Variants in RLF observed in about 807,000 individuals in gnomAD.
RLF encodes zinc finger protein Rlf.
A neutral mutation model predicts 162.9 loss-of-function variants in RLF; 7 were observed. The observed-to-expected ratio is 0.04, with a 90% CI of 0.02 to 0.08. The LOEUF (loss-of-function observed/expected upper bound fraction) is 0.08, where lower values mean the gene tolerates loss of function less well. Ranked by LOEUF, RLF falls within the 10% of genes least tolerant of loss-of-function variation. The pLI is 1.00. For synonymous variants in RLF, 782 were observed against 791.5 expected (o/e 0.99, Z 0.20); for missense variants, 1,664 against 2,244.7 (o/e 0.74, Z 5.23).
chr1:40,170,709 G>A lies in RLF; in HGVS notation c.237+9073G>A, dbSNP rs1016948974. On this transcript the variant is annotated intron_variant, in intron 1 of 7. Coordinates refer to ENST00000372771, the MANE Select transcript of RLF (RefSeq NM_012421.4). ...TTTATGAAAAAATTTCACCTCCAAA[G>A]GTTTTGCAGGGATTAAATTATGTGT... is the stretch of plus-strand genomic sequence containing the variant. Among the ~76,000 whole-genome samples the A allele has an allele frequency of 3.3e-5, 5 of 152,172 alleles. No homozygotes were observed. In the East Asian group the frequency reaches 7.7e-4, roughly 24 times the overall value.
At chr1:40,234,873 T>C (rs1039951362) in intron 7 of RLF, among the ~76,000 whole-genome samples, 3 of 152,246 alleles carry the variant, frequency 2.0e-5, no homozygotes, top group Admixed American at 1.3e-4. Flanking sequence ...AATTTTAAAC[T>C]AGTTTCTGAG....
intron 5 of RLF, among the ~76,000 whole-genome samples, chr1:40,222,355 G>T (rs1310750848): frequency 6.6e-6 from 1 of 152,172 alleles, no homozygotes; most frequent in Non-Finnish European, 1.5e-5. Context: ...CTGCAAAAAT[G>T]TTTTTATCTG....
At position 40,238,841 on chromosome 1, in the gene RLF, C is replaced by A. The variant is rs1643251555; in HGVS notation, c.4139C>A (p.Ala1380Asp). ...NKRFLCSKALAKHCSDSHNLD... is the reference protein window; with the variant it reads ...NKRFLCSKALDKHCSDSHNLD... ...CGCTTCCTGTGTTCCAAAGCTCTTG[C>A]TAAGCACTGTAGTGATTCTCATAAC... The change falls in exon 8 of 8, where the codon GCT becomes GAT. Residue 1380 changes from alanine to aspartate, a missense_variant. Ala to Asp is a moderately radical substitution (Grantham distance 126, BLOSUM62 -2). Coordinates refer to ENST00000372771, the MANE Select transcript of RLF (RefSeq NM_012421.4). This position sits in a 1 kb window ranked among gnomAD's most constrained non-coding sequence, Gnocchi z 5.2. 1 of 1,614,002 alleles carries A rather than the reference C, an allele frequency of 6.2e-7. No homozygotes were observed. The highest frequency in any genetic ancestry group is 1.3e-5 in the African/African-American group (1 of 74,936).
At chr1:40,216,403 G>A (rs1338058225) in intron 5 of RLF, among the ~76,000 whole-genome samples, 1 of 151,528 alleles carries the variant, frequency 6.6e-6, no homozygotes. Context: ...CAGGAGAATC[G>A]CTTGAACCCG....
At chr1:40,211,822 GT>G (rs1264092923) in intron 5 of RLF, among the ~76,000 whole-genome samples, 1 of 151,940 alleles carries the variant, frequency 6.6e-6, no homozygotes, top group Non-Finnish European at 1.5e-5. Flanking sequence ...GGGTTTCACC[GT>G]TTCTACTGGT....
At chr1:40,222,537 C>T (rs1171977129) in intron 5 of RLF, 37 bp from the exon 6 acceptor site, 1 of 1,597,192 alleles carries the variant, frequency 6.3e-7, no homozygotes, top group Non-Finnish European at 8.5e-7. Context: ...GAAAAGTCAC[C>T]ATTTTCTTTT....
chr1:40,217,148 G>T (rs1642935360), intron 5 of RLF, among the ~76,000 whole-genome samples: 1 of 151,678 alleles, frequency 6.6e-6, no homozygotes, highest in Non-Finnish European at 1.5e-5. Context: ...CTTTTTTTCT[G>T]GGCTGTTGAA....
At chr1:40,226,747 C>T (rs146288586) in intron 6 of RLF, among the ~76,000 whole-genome samples, 246 of 152,090 alleles carry the variant, frequency 1.6e-3, no homozygotes, top group African/African-American at 5.8e-3. Flanking sequence ...GTTTTATTTA[C>T]TTCATTCCTA....
intron 1 of RLF, among the ~76,000 whole-genome samples, chr1:40,185,843 C>CAAAAAAAAAAAAAAAAAAAA (rs33982008): frequency 1.3e-4 from 9 of 67,548 alleles, no homozygotes; most frequent in Admixed American, 2.3e-4. Flanking sequence ...AAAAAAAAAG[C>CAAAAAAAAAAAAAAAAAAAA]AAAAAAAAAA....
In RLF at chr1:40,219,466, A is replaced by G. The variant is rs549690340; in HGVS notation, c.811-3108A>G. On this transcript the variant is annotated intron_variant, in intron 5 of 7. Transcript: ENST00000372771. ...TCTGGCTTCAGTTTTTCTCATTTGT[A>G]AAAATGATCAGATGTCTCATTTAGT... 3.8e-4 allele frequency among the ~76,000 whole-genome samples: 58 copies of G among 152,368 alleles called. No individual in the cohort carries two copies. The Middle Eastern group carries it at 0.014, about 36-fold the overall frequency.
At chr1:40,183,727 C>T (rs1434157100) in intron 1 of RLF, among the ~76,000 whole-genome samples, 2 of 151,752 alleles carry the variant, frequency 1.3e-5, no homozygotes, top group Non-Finnish European at 2.9e-5. Flanking sequence ...TTCAATCTCT[C>T]ATGTTTCCTC....
chr1:40,229,448 C>CTTTTTTTTTTTTTTTTTTTTTT (rs1005418216), intron 6 of RLF, among the ~76,000 whole-genome samples: 1 of 90,980 alleles, frequency 1.1e-5, no homozygotes, highest in African/African-American at 4.6e-5. Context: ...ATTCATTTAT[C>CTTTTTTTTTTTTTTTTTTTTTT]TTTTTTTTTT....
chr1:40,226,825 AAC>A (rs1432103652), intron 6 of RLF, among the ~76,000 whole-genome samples: 5 of 152,276 alleles, frequency 3.3e-5, no homozygotes, highest in African/African-American at 1.2e-4. Flanking sequence ...GCTATGTAGA[AAC>A]ACAGAGTGAT....
At chr1:40,218,513 A>G (rs1251555721) in intron 5 of RLF, among the ~76,000 whole-genome samples, 1 of 152,144 alleles carries the variant, frequency 6.6e-6, no homozygotes, top group Non-Finnish European at 1.5e-5. Flanking sequence ...GACATCACGC[A>G]TTGCCGTTAC....
At position 40,176,994 on chromosome 1, in the gene RLF, A is replaced by AT. The variant is rs995241158; in HGVS notation, c.238-12050dup. Among the ~76,000 whole-genome samples, 728 of 145,656 alleles carry AT rather than the reference A, an allele frequency of 5.0e-3. 2 individuals carry two copies. Among genetic ancestry groups the AT allele is most frequent in the African/African-American group, 8.5e-3 (338 of 39,906 alleles). On this transcript the variant is annotated intron_variant, in intron 1 of 7. Transcript: ENST00000372771. The stretch of plus-strand genomic sequence containing the variant: ...ATTTATTTCTTTTTTTAATTAATTA[A>AT]TTTTTTTTTTTGAGACCGAGTCTCA...
rs533599486 is a variant in RLF, at chr1:40,178,642, T to G, written c.238-10413T>G. 2.7e-3 allele frequency among the ~76,000 whole-genome samples: 401 copies of G among 148,744 alleles called. 4 individuals carry two copies. Among genetic ancestry groups the G allele is most frequent in the African/African-American group, 9.5e-3 (384 of 40,614 alleles). ...GTGTTTTTTTTTTTTGTTTTTTTTT[T>G]TTTTTTGGAGAGATGGGATCTTGCT... is the stretch of plus-strand genomic sequence containing the variant. On this transcript the variant is annotated intron_variant, in intron 1 of 7. Coordinates refer to ENST00000372771, the MANE Select transcript of RLF (RefSeq NM_012421.4).
chr1:40,168,602 A>G (rs1001135154), intron 1 of RLF, among the ~76,000 whole-genome samples: 1 of 152,188 alleles, frequency 6.6e-6, no homozygotes, highest in African/African-American at 2.4e-5. Context: ...CAGGGATCAC[A>G]CCTTATTGTT....
At position 40,239,004 on chromosome 1, in the gene RLF, T is replaced by C. The variant is rs1028082453; in HGVS notation, c.4302T>C (p.Ile1434=). 4 of 1,614,170 alleles carry C rather than the reference T, an allele frequency of 2.5e-6. No individual in the cohort carries two copies. Among genetic ancestry groups the C allele is most frequent in the African/African-American group, 1.3e-5 (1 of 75,060 alleles). ...ACCACTTGATGGAACAGCATAATATTGAAGGGGAAATACATTCAGATTATG... is the reference window on the plus strand; with the variant it reads ...ACCACTTGATGGAACAGCATAATATCGAAGGGGAAATACATTCAGATTATG... ...LKHHLMEQHN[I]EGEIHSDYEI... is the part of the protein sequence containing the mutation. Residue 1434 remains isoleucine, a synonymous_variant, in exon 8 of 8, where the codon ATT becomes ATC. Coordinates refer to ENST00000372771, the MANE Select transcript of RLF (RefSeq NM_012421.4).
intron 5 of RLF, among the ~76,000 whole-genome samples, chr1:40,203,830 A>G (rs1466821853): frequency 1.3e-5 from 2 of 152,012 alleles, no homozygotes; most frequent in Non-Finnish European, 2.9e-5. Context: ...TTTACTTGTA[A>G]TATCTTACTC....
Sources: allele counts gnomAD v4.1 joint callset (sites outside exome capture counted in the v4.1 genomes callset), GRCh38; gene constraint gnomAD v4.1.1; non-coding constraint Gnocchi (gnomAD v3.1); transcripts MANE v1.5; gene names NCBI Gene and HGNC (gene_info 2026-07-23, HGNC 2026-07-21).